The following UTP20 variants were observed in gnomAD, a reference collection of about 807,000 sequenced individuals.
UTP20 encodes small subunit processome component 20 homolog.
In UTP20, 164 loss-of-function variants were observed where a neutral mutation model predicts 329.5. That is an observed-to-expected ratio of 0.50 (90% CI 0.44 to 0.57). UTP20 has a LOEUF of 0.57. UTP20 is among the 20% of genes least tolerant of loss of function. The pLI, the probability that UTP20 is intolerant of heterozygous loss-of-function variation, is 0.00. For missense variants in UTP20, 3,055 were observed against 3,284.2 expected (o/e 0.93, Z 1.71); for synonymous variants, 1,151 against 1,159.3 (o/e 0.99, Z 0.14).
intron 35 of UTP20, among the ~76,000 whole-genome samples, chr12:101,343,807 C>A (rs961224682): frequency 6.6e-5 from 10 of 152,178 alleles, no homozygotes; most frequent in Non-Finnish European, 7.3e-5. Context: ...CCACCGCACC[C>A]AGCCAAATAG....
chr12:101,303,258 C>T (rs545465500), intron 15 of UTP20, among the ~76,000 whole-genome samples: 140 of 152,314 alleles, frequency 9.2e-4, no homozygotes, highest in Admixed American at 3.5e-3. Context: ...GACAAAATTC[C>T]CTGCCTTCTT....
intron 27 of UTP20, 26 bp downstream of exon 27, chr12:101,329,475 A>G: frequency 6.3e-7 from 1 of 1,592,184 alleles, no homozygotes; most frequent in East Asian, 2.3e-5. Flanking sequence ...GATGCTTTCA[A>G]GTCAAGTGCT....
chr12:101,371,049 G>A lies in UTP20; in HGVS notation c.6688-9G>A, dbSNP rs901407914. 3.7e-6 allele frequency: 6 copies of A among 1,612,618 alleles called. No individual in the cohort carries two copies. The highest frequency in any genetic ancestry group is 5.1e-6 in the Non-Finnish European group (6 of 1,179,308). On this transcript the variant is annotated splice_polypyrimidine_tract_variant and intron_variant, in intron 50 of 61. Transcript: ENST00000261637. ...TGAAATGAGTATGTCTTTTCCTTTT[G>A]TATCTTAGGCAATTTTATCAAGAAA... is the stretch of plus-strand genomic sequence containing the variant.
chr12:101,374,734 C>T, intron 54 of UTP20, 74 bp from the exon 55 acceptor site: 2 of 746,960 alleles, frequency 2.7e-6, no homozygotes, highest in Non-Finnish European at 4.6e-6. Context: ...AAAATAATGC[C>T]CACCTTTATT....
At chr12:101,349,577 T>G (rs546851622) in intron 38 of UTP20, among the ~76,000 whole-genome samples, 1 of 152,096 alleles carries the variant, frequency 6.6e-6, no homozygotes, top group Non-Finnish European at 1.5e-5. Flanking sequence ...TAACTGGGAC[T>G]ACAGGCATAC....
intron 22 of UTP20, among the ~76,000 whole-genome samples, chr12:101,318,597 G>A (rs186220033): frequency 7.2e-5 from 11 of 152,262 alleles, no homozygotes; most frequent in African/African-American, 2.4e-4. Flanking sequence ...TTGGGAGGCC[G>A]AGGTGGGTGG....
intron 41 of UTP20, among the ~76,000 whole-genome samples, chr12:101,355,805 T>C (rs555332580): frequency 6.6e-6 from 1 of 152,278 alleles, no homozygotes; most frequent in African/African-American, 2.4e-5. Flanking sequence ...TTTTGTATAT[T>C]TGTAATACAA....
At chr12:101,295,277 G>T (rs145309327) in intron 11 of UTP20, among the ~76,000 whole-genome samples, 14 of 152,220 alleles carry the variant, frequency 9.2e-5, no homozygotes, top group Admixed American at 5.9e-4. Flanking sequence ...AGTAGACAGG[G>T]TATAGAATTC....
chr12:101,335,542 C>T (rs1265453658), intron 29 of UTP20, among the ~76,000 whole-genome samples: 5 of 152,160 alleles, frequency 3.3e-5, no homozygotes, highest in African/African-American at 4.8e-5. Context: ...TCAGGAAAAC[C>T]TCACAAGCTT....
At position 101,346,543 on chromosome 12, in the gene UTP20, C is replaced by G; in HGVS notation, c.4839C>G (p.Ile1613Met). ...VLSSKSLQNY[I>M]MPYAMTPIFD... ...CTTCTAAATCTCTTCAGAATTACAT[C>G]ATGCCTTATGCCATGACTCCAATTT... The change falls in exon 38 of 62, where the codon ATC becomes ATG. Residue 1613 changes from isoleucine (I) to methionine (M), a missense_variant. Transcript: ENST00000261637. 1 of 1,607,616 alleles carries G rather than the reference C, an allele frequency of 6.2e-7. No individual in the cohort carries two copies. The highest frequency in any genetic ancestry group is 8.5e-7 in the Non-Finnish European group (1 of 1,177,518).
At chr12:101,371,981 A>G (rs1212456388) in intron 51 of UTP20, among the ~76,000 whole-genome samples, 1 of 152,046 alleles carries the variant, frequency 6.6e-6, no homozygotes. Flanking sequence ...TGGAAATAGG[A>G]ACTCAGGGTT....
intron 15 of UTP20, among the ~76,000 whole-genome samples, chr12:101,304,624 T>C (rs1205620578): frequency 6.6e-6 from 1 of 152,194 alleles, no homozygotes; most frequent in Non-Finnish European, 1.5e-5. Flanking sequence ...CTGGAGACTT[T>C]CCAGCTGTCA....
chr12:101,311,660 G>A (rs1467613485), intron 19 of UTP20, 59 bp from the exon 20 acceptor site: 2 of 1,370,074 alleles, frequency 1.5e-6, no homozygotes, highest in African/African-American at 1.5e-5. Context: ...TTTTTTCTAT[G>A]AGCAATCTTA....
rs543812345 is a variant in UTP20, at chr12:101,291,587, A to G, written c.892-155A>G. ...AGACTTAGAACAATGCACTCAGCCA[A>G]TGTTAGCTGTTATCGTTAGTGAGTC... On this transcript the variant is annotated intron_variant, in intron 8 of 61. Transcript: ENST00000261637. Among the ~76,000 whole-genome samples the G allele has an allele frequency of 2.0e-4, 31 of 152,050 alleles. 1 individual carries two copies. Among genetic ancestry groups the G allele is most frequent in the African/African-American group, 7.5e-4 (31 of 41,496 alleles).
intron 17 of UTP20, 82 bp from the exon 18 acceptor site, chr12:101,308,103 A>T: frequency 8.0e-7 from 1 of 1,245,028 alleles, no homozygotes; most frequent in Non-Finnish European, 1.1e-6. Flanking sequence ...TTCTATTTTT[A>T]GACCTTTGGT....
intron 43 of UTP20, among the ~76,000 whole-genome samples, chr12:101,359,900 C>A (rs1869857161): frequency 6.6e-6 from 1 of 152,134 alleles, no homozygotes; most frequent in Non-Finnish European, 1.5e-5. Context: ...AGCTTCCCCT[C>A]CCAGAGTTGT....
chr12:101,348,972 G>GT (rs984061904), intron 38 of UTP20, among the ~76,000 whole-genome samples: 2 of 151,856 alleles, frequency 1.3e-5, no homozygotes, highest in Non-Finnish European at 2.9e-5. Context: ...TCTTGTCTTT[G>GT]TTTTTGCAAG....
chr12:101,377,394 G>A (rs1445684598), intron 56 of UTP20, among the ~76,000 whole-genome samples: 1 of 151,940 alleles, frequency 6.6e-6, no homozygotes. Flanking sequence ...GTAGTTGTGC[G>A]ATCTCAGCTC....
intron 41 of UTP20, 36 bp from the exon 42 acceptor site, chr12:101,356,518 A>T (rs779783890): frequency 6.4e-7 from 1 of 1,562,044 alleles, no homozygotes; most frequent in Non-Finnish European, 8.7e-7. Flanking sequence ...TGATCCATTT[A>T]TTTTCATTTT....
Sources: gnomAD v4.1 joint callset for allele counts (sites outside exome capture counted in the v4.1 genomes callset) on GRCh38, gnomAD v4.1.1 for gene constraint, MANE v1.5 for transcripts, NCBI Gene and HGNC (gene_info 2026-07-23, HGNC 2026-07-21) for gene names.